Variants in RBFOX3 observed in about 807,000 individuals in gnomAD.
RBFOX3 encodes the protein RNA binding fox-1 homolog 3, also known as RNA binding protein fox-1 homolog 3.
A neutral mutation model predicts 48.7 loss-of-function variants in RBFOX3; 17 were observed. The observed-to-expected ratio is 0.35, with a 90% CI of 0.24 to 0.52. The LOEUF (loss-of-function observed/expected upper bound fraction) is 0.52. Among genes scored for constraint, RBFOX3 ranks in the 20% least tolerant of loss-of-function variants. The pLI is 0.94. For missense variants in RBFOX3, 382 were observed against 497.5 expected, an observed-to-expected ratio of 0.77 and a Z score of 2.21; for synonymous variants, 212 against 209.5, an observed-to-expected ratio of 1.01 and a Z score of -0.10.
At position 79,594,502 on chromosome 17, in the gene RBFOX3, C is replaced by G. The variant is rs1026336298; in HGVS notation, c.-320+16324G>C. Among the ~76,000 whole-genome samples the G allele has an allele frequency of 9.5e-3, 1,446 of 152,304 alleles. 23 individuals carry two copies. Among genetic ancestry groups the G allele is most frequent in the Middle Eastern group, 0.014 (4 of 294 alleles). On this transcript the variant is annotated intron_variant, in intron 1 of 14. Coordinates refer to ENST00000693108, the MANE Select transcript of RBFOX3 (RefSeq NM_001350451.2). ...ATGCTGACTTCAGAAGCTGTCCACT[C>G]CAGGGCCACCCGGGGCCTAAATCCG...
intron 3 of RBFOX3, among the ~76,000 whole-genome samples, chr17:79,277,749 G>A (rs2069257530): frequency 3.3e-5 from 5 of 152,232 alleles, no homozygotes; most frequent in African/African-American, 1.2e-4. Flanking sequence ...GCTCATGGTG[G>A]GAAGCCAGCT....
chr17:79,151,271 A>G (rs7503828), intron 4 of RBFOX3, among the ~76,000 whole-genome samples: 96,435 of 149,654 alleles, frequency 0.64, 31,438 homozygotes, highest in Non-Finnish European at 0.69. Flanking sequence ...GGAGAAGCGA[A>G]ATCCAGTGCC....
intron 4 of RBFOX3, among the ~76,000 whole-genome samples, chr17:79,120,184 T>G (rs2035301580): frequency 6.6e-6 from 1 of 152,102 alleles, no homozygotes; most frequent in Admixed American, 6.6e-5. Context: ...GACTGTACAT[T>G]CTCAGAGAAT....
chr17:79,162,823 G>A (rs1237485973), intron 4 of RBFOX3, among the ~76,000 whole-genome samples: 1 of 152,180 alleles, frequency 6.6e-6, no homozygotes, highest in Non-Finnish European at 1.5e-5. Context: ...GCCGGGAGGG[G>A]TAGAGGACAG....
At chr17:79,560,827 A>G (rs1166648132) in intron 1 of RBFOX3, among the ~76,000 whole-genome samples, 4 of 152,148 alleles carry the variant, frequency 2.6e-5, no homozygotes, top group Admixed American at 2.0e-4. Context: ...CATGCGGAGG[A>G]CTTCACCTGC....
chr17:79,436,068 T>C (rs1277029389), intron 2 of RBFOX3, among the ~76,000 whole-genome samples: 1 of 152,100 alleles, frequency 6.6e-6, no homozygotes, highest in Non-Finnish European at 1.5e-5. Flanking sequence ...GAGCCTCACT[T>C]CCCCAGGCCC....
At chr17:79,331,236 T>C (rs1437797721) in intron 2 of RBFOX3, among the ~76,000 whole-genome samples, 1 of 152,210 alleles carries the variant, frequency 6.6e-6, no homozygotes, top group South Asian at 2.1e-4. Context: ...CCATCTCCCA[T>C]GCTCAGCCCA....
intron 4 of RBFOX3, among the ~76,000 whole-genome samples, chr17:79,146,922 C>T (rs1027570785): frequency 3.9e-5 from 6 of 152,216 alleles, no homozygotes; most frequent in Admixed American, 3.9e-4. Context: ...TCCTTGGCTG[C>T]CCCCTTTGGC....
chr17:79,596,949 G>A (rs2093585358), intron 1 of RBFOX3, among the ~76,000 whole-genome samples: 1 of 152,306 alleles, frequency 6.6e-6, no homozygotes, highest in Middle Eastern at 3.4e-3. Context: ...TTGATAGAAG[G>A]ATCCAAAACC....
At chr17:79,303,851 CTGTGTGTGTG>C (rs34981785) in intron 3 of RBFOX3, among the ~76,000 whole-genome samples, 2 of 147,780 alleles carry the variant, frequency 1.4e-5, no homozygotes, top group Admixed American at 6.8e-5. Context: ...GCATGTCTGC[CTGTGTGTGTG>C]TGTGTGTGTG....
At chr17:79,250,308 G>C (rs7217721) in intron 3 of RBFOX3, among the ~76,000 whole-genome samples, 7,246 of 152,200 alleles carry the variant, frequency 0.048, 187 homozygotes, top group East Asian at 0.12. Flanking sequence ...ATCGACAGTT[G>C]GGTTTGTTTA....
At chr17:79,109,915 C>T (rs956172220) in intron 5 of RBFOX3, among the ~76,000 whole-genome samples, 1 of 152,128 alleles carries the variant, frequency 6.6e-6, no homozygotes, top group Non-Finnish European at 1.5e-5. Context: ...GGCCAGGACA[C>T]AGGTGAGGAA....
At chr17:79,598,732 A>G (rs1376129629) in intron 1 of RBFOX3, 1 of 152,072 alleles carries the variant, frequency 6.6e-6, no homozygotes, top group Non-Finnish European at 1.5e-5. Context: ...TAAAAAAATA[A>G]GTTTTTGAGT....
chr17:79,337,255 C>CA (rs111556977), intron 2 of RBFOX3, among the ~76,000 whole-genome samples: 6,306 of 149,494 alleles, frequency 0.042, 291 homozygotes, highest in African/African-American at 0.11. Flanking sequence ...GCTTACCTGA[C>CA]AAAAAAAAAA....
At chr17:79,604,806 T>C (rs2093788992) in intron 1 of RBFOX3, among the ~76,000 whole-genome samples, 1 of 152,204 alleles carries the variant, frequency 6.6e-6, no homozygotes. Flanking sequence ...GTTCCCATTT[T>C]TCCATCAAAA....
the RBFOX3 span, among the ~76,000 whole-genome samples, chr17:79,631,014 G>A: frequency 1.1e-4 from 16 of 152,132 alleles, no homozygotes; most frequent in Admixed American, 2.6e-4. Flanking sequence ...CAGAGCCAGA[G>A]TCCACTCAGA....
At position 79,195,196 on chromosome 17, in the gene RBFOX3, G is replaced by A. The variant is rs2055341392; in HGVS notation, c.-34+40570C>T. Among the ~76,000 whole-genome samples the A allele has an allele frequency of 6.6e-6, 1 of 152,120 alleles. No homozygotes were observed. Among genetic ancestry groups the A allele is most frequent in the Non-Finnish European group, 1.5e-5 (1 of 68,022 alleles). Reference sequence around the variant, plus strand: ...GGATCACCTGAGGTCAGGAGTTCGAGACCAGCCTGGTCAACATGGTGAAAC... The same window carrying A: ...GGATCACCTGAGGTCAGGAGTTCGAAACCAGCCTGGTCAACATGGTGAAAC... On this transcript the variant is annotated intron_variant, in intron 4 of 14. Coordinates refer to ENST00000693108, the MANE Select transcript of RBFOX3 (RefSeq NM_001350451.2). This position sits in a 1 kb window ranked among gnomAD's most constrained non-coding sequence, Gnocchi z 5.3.
At chr17:79,506,552 C>G (rs1251136527) in intron 1 of RBFOX3, among the ~76,000 whole-genome samples, 1 of 152,320 alleles carries the variant, frequency 6.6e-6, no homozygotes, top group South Asian at 2.1e-4. Context: ...TGCAGCACTG[C>G]CCCGGGCCAC....
intron 4 of RBFOX3, among the ~76,000 whole-genome samples, chr17:79,117,636 C>G (rs930596716): frequency 1.3e-5 from 2 of 152,276 alleles, no homozygotes; most frequent in East Asian, 1.9e-4. Flanking sequence ...GCTCCCTGCA[C>G]AGGTGGATCT....
Sources: allele counts gnomAD v4.1 joint callset (sites outside exome capture counted in the v4.1 genomes callset), GRCh38; gene constraint gnomAD v4.1.1; non-coding constraint Gnocchi (gnomAD v3.1); transcripts MANE v1.5; gene names NCBI Gene and HGNC (gene_info 2026-07-23, HGNC 2026-07-21).